Variants in LINGO1 observed in about 807,000 individuals in gnomAD.
LINGO1 encodes leucine-rich repeat and immunoglobulin-like domain-containing nogo receptor-interacting protein 1.
LINGO1 carries 11 observed loss-of-function variants against 37.3 expected under a neutral mutation model. The observed-to-expected ratio is 0.29, with a 90% CI of 0.19 to 0.49. The LOEUF is 0.49. Ranked by LOEUF, LINGO1 falls within the 20% of genes least tolerant of loss-of-function variation. LINGO1 has a pLI of 0.99. For synonymous variants in LINGO1, 387 were observed against 403.0 expected (o/e 0.96, Z 0.48); for missense variants, 585 against 878.2 (o/e 0.67, Z 4.22).
At chr15:77,745,067 G>A (rs1448802584) in intron 1 of LINGO1, among the ~76,000 whole-genome samples, 2 of 147,728 alleles carry the variant, frequency 1.4e-5, no homozygotes, top group East Asian at 2.0e-4. Flanking sequence ...GCAGTGAGTC[G>A]AGATTGCACC....
chr15:77,820,319 C>G (rs1409256221), exon 1 of LINGO1: 2 of 152,618 alleles, frequency 1.3e-5, no homozygotes, highest in East Asian at 3.9e-4. Context: ...GGGAACAGTC[C>G]GGGGCGGTGG....
At chr15:77,729,333 A>G (rs2076132812) in intron 2 of LINGO1, among the ~76,000 whole-genome samples, 1 of 152,234 alleles carries the variant, frequency 6.6e-6, no homozygotes, top group East Asian at 1.9e-4. Context: ...TTATCAGCCA[A>G]TGAGGAGACA....
chr15:77,784,759 C>A (rs2076755027), intron 1 of LINGO1: 1 of 152,172 alleles, frequency 6.6e-6, no homozygotes, highest in Middle Eastern at 3.4e-3. Flanking sequence ...GTTCTTAGAC[C>A]TGGTAGGGCT....
At chr15:77,740,511 G>C (rs1248539341) in intron 1 of LINGO1, among the ~76,000 whole-genome samples, 1 of 152,196 alleles carries the variant, frequency 6.6e-6, no homozygotes, top group Non-Finnish European at 1.5e-5. Flanking sequence ...GGCCTGTTAT[G>C]GGATGTTACA....
In LINGO1 at chr15:77,617,056, C is replaced by T. The variant is rs949050360; in HGVS notation, c.7-1156G>A. 1.3e-4 allele frequency among the ~76,000 whole-genome samples: 20 copies of T among 152,292 alleles called. 1 individual carries two copies. Among genetic ancestry groups the T allele is most frequent in the Admixed American group, 1.2e-3 (19 of 15,302 alleles). ...ACCCTGGAGGAGTGTGCCCCAACTA[C>T]AGCACCGAGGCTTGTTCAAGCTGAG... On this transcript the variant is annotated intron_variant, in intron 1 of 1. Coordinates refer to ENST00000355300, the MANE Select transcript of LINGO1 (RefSeq NM_032808.7).
intron 2 of LINGO1, among the ~76,000 whole-genome samples, chr15:77,678,786 C>A (rs2075368246): frequency 6.6e-6 from 1 of 152,246 alleles, no homozygotes; most frequent in African/African-American, 2.4e-5. Context: ...CCACTAGCAA[C>A]CTAGGAGAGT....
intron 1 of LINGO1, among the ~76,000 whole-genome samples, chr15:77,806,149 C>T (rs1413588350): frequency 6.6e-6 from 1 of 152,176 alleles, no homozygotes; most frequent in African/African-American, 2.4e-5. Flanking sequence ...TGGTGAGTGC[C>T]ACCTGACCAC....
In LINGO1 at chr15:77,744,943, C is replaced by T. The variant is rs562779924; in HGVS notation, c.-256-9890G>A. ...CCGGCCTGGCCAACATGGTGAAACC[C>T]CATCTCTACTTTAAAAAAAAAAAAA... On this transcript the variant is annotated intron_variant, in intron 1 of 3. Transcript: ENST00000561686. 2.1e-4 allele frequency among the ~76,000 whole-genome samples: 31 copies of T among 147,620 alleles called. No individual in the cohort carries two copies. In the South Asian group the frequency reaches 6.5e-3, roughly 31 times the overall value.
chr15:77,670,844 C>T (rs988463613), intron 3 of LINGO1, among the ~76,000 whole-genome samples: 1 of 152,214 alleles, frequency 6.6e-6, no homozygotes, highest in Non-Finnish European at 1.5e-5. Context: ...CTCAAAGCCC[C>T]CAGATCCCTG....
At chr15:77,776,629 TC>T (rs2076658483) in intron 1 of LINGO1, among the ~76,000 whole-genome samples, 1 of 151,676 alleles carries the variant, frequency 6.6e-6, no homozygotes, top group Non-Finnish European at 1.5e-5. Flanking sequence ...AGCCACCATG[TC>T]CTCCATGGCT....
At position 77,809,699 on chromosome 15, in the gene LINGO1, G is replaced by A. The variant is rs549391403; in HGVS notation, c.-458+10559C>T. Among the ~76,000 whole-genome samples, 361 of 152,326 alleles carry A rather than the reference G, an allele frequency of 2.4e-3. 1 individual carries two copies. The highest frequency in any genetic ancestry group is 3.8e-3 in the Non-Finnish European group (259 of 68,022). On this transcript the variant is annotated intron_variant, in intron 1 of 5. Coordinates refer to the LINGO1 transcript ENST00000562933. ...AGTCTACTTCCTGCCTGGCAGGGGG[G>A]TGAAGGACCAACCTACAGCCAGCCA...
intron 2 of LINGO1, among the ~76,000 whole-genome samples, chr15:77,794,910 G>A (rs2076860807): frequency 6.6e-6 from 1 of 152,148 alleles, no homozygotes; most frequent in South Asian, 2.1e-4. Context: ...TGCCTGGGAA[G>A]GAAATCCAGG....
chr15:77,781,824 G>A (rs181571785), intron 1 of LINGO1, among the ~76,000 whole-genome samples: 10 of 152,308 alleles, frequency 6.6e-5, no homozygotes, highest in African/African-American at 1.7e-4. Flanking sequence ...TTCATGCTTC[G>A]CACACCGAAA....
At chr15:77,809,962 C>T (rs1178049926) in intron 1 of LINGO1, among the ~76,000 whole-genome samples, 1 of 152,048 alleles carries the variant, frequency 6.6e-6, no homozygotes, top group Non-Finnish European at 1.5e-5. Flanking sequence ...AGGAGGTGTC[C>T]TGATGTCTCT....
intron 1 of LINGO1, among the ~76,000 whole-genome samples, chr15:77,798,569 G>A (rs12441652): frequency 0.72 from 108,897 of 152,262 alleles, 39,865 homozygotes; most frequent in Admixed American, 0.79. Context: ...CAGGCAGAGC[G>A]TGACAATGAT....
chr15:77,627,126 C>T (rs1170306598), intron 1 of LINGO1, among the ~76,000 whole-genome samples: 1 of 152,080 alleles, frequency 6.6e-6, no homozygotes, highest in Non-Finnish European at 1.5e-5. Flanking sequence ...AACACACACA[C>T]CACACACCCT....
intron 3 of LINGO1, chr15:77,641,694 C>T (rs2074510174): frequency 5.4e-6 from 2 of 369,570 alleles, no homozygotes; most frequent in Non-Finnish European, 1.1e-5. Context: ...ACCCCGTCTC[C>T]CACCATCTTG....
chr15:77,642,364 C>T (rs777560160), intron 3 of LINGO1, among the ~76,000 whole-genome samples: 3 of 152,210 alleles, frequency 2.0e-5, no homozygotes, highest in Non-Finnish European at 4.4e-5. Flanking sequence ...GAGCTGCCAA[C>T]AGGGAGAGGC....
chr15:77,749,175 T>C (rs2076346514), intron 1 of LINGO1, among the ~76,000 whole-genome samples: 1 of 152,118 alleles, frequency 6.6e-6, no homozygotes, highest in South Asian at 2.1e-4. Flanking sequence ...CCCAAAGTGC[T>C]GGGATTACAG....
Sources: allele counts gnomAD v4.1 joint callset (sites outside exome capture counted in the v4.1 genomes callset), GRCh38; gene constraint gnomAD v4.1.1; transcripts MANE v1.5; gene names NCBI Gene and HGNC (gene_info 2026-07-23, HGNC 2026-07-21).